The following TMEM132C variants were observed in gnomAD, a reference collection of about 807,000 sequenced individuals.
The protein encoded by TMEM132C is transmembrane protein 132C.
In TMEM132C, 29 loss-of-function variants were observed where a neutral mutation model predicts 61.4. The ratio of observed to expected loss-of-function variants is 0.47; its 90% confidence interval spans 0.35 to 0.64. The LOEUF (loss-of-function observed/expected upper bound fraction) is 0.64. TMEM132C is among the 30% of genes least tolerant of loss of function. TMEM132C has a pLI of 0.00. For synonymous variants in TMEM132C, 656 were observed against 633.1 expected (o/e 1.04, Z -0.54); for missense variants, 1,408 against 1,476.9 (o/e 0.95, Z 0.76).
In TMEM132C at chr12:128,551,529, G is replaced by T. The variant is rs184365387; in HGVS notation, c.1121+7426G>T. On this transcript the variant is annotated intron_variant, in intron 3 of 8. Transcript: ENST00000435159. The stretch of plus-strand genomic sequence containing the variant: ...CAGCCAACAATTTACCAGAGTGCAC[G>T]TCGTATTTACAGGGTGCGAGGCCAA... 6.3e-3 allele frequency among the ~76,000 whole-genome samples: 960 copies of T among 152,232 alleles called. 7 individuals are homozygous for T. The highest frequency in any genetic ancestry group is 0.022 in the African/African-American group (915 of 41,546).
At chr12:128,368,261 C>T (rs923264853) in intron 1 of TMEM132C, among the ~76,000 whole-genome samples, 1 of 152,242 alleles carries the variant, frequency 6.6e-6, no homozygotes, top group Admixed American at 6.5e-5. Context: ...CTCTGCTTTA[C>T]AGCCGGAAGC....
At chr12:128,344,976 T>C (rs887775995) in intron 1 of TMEM132C, among the ~76,000 whole-genome samples, 3 of 151,318 alleles carry the variant, frequency 2.0e-5, no homozygotes, top group African/African-American at 7.3e-5. Context: ...TTCAGGGCTC[T>C]AGTGGTTTGC....
chr12:128,598,034 C>T lies in TMEM132C; in HGVS notation c.1122-18118C>T, dbSNP rs867234548. Among the ~76,000 whole-genome samples, 6 of 152,162 alleles carry T rather than the reference C, an allele frequency of 3.9e-5. 1 individual carries two copies. The South Asian group carries it at 6.2e-4, about 16-fold the overall frequency. ...AAGATTTCAGGGGCTCCCCAGAGCA[C>T]GTCCTCCTAACGTGACAGCTTCTCA... On this transcript the variant is annotated intron_variant, in intron 3 of 8. Coordinates refer to ENST00000435159, the MANE Select transcript of TMEM132C (RefSeq NM_001136103.3).
intron 1 of TMEM132C, among the ~76,000 whole-genome samples, chr12:128,336,221 T>C (rs1265871593): frequency 6.6e-6 from 1 of 152,214 alleles, no homozygotes; most frequent in Non-Finnish European, 1.5e-5. Context: ...GTTCATTAGA[T>C]GGGAAGAGGC....
At chr12:128,681,688 C>T (rs544169945) in intron 5 of TMEM132C, among the ~76,000 whole-genome samples, 30 of 138,274 alleles carry the variant, frequency 2.2e-4, no homozygotes, top group Non-Finnish European at 3.1e-5. Flanking sequence ...GAGTCTCACC[C>T]TATCTCCCAG....
At chr12:128,519,983 C>T (rs1456155396) in intron 2 of TMEM132C, among the ~76,000 whole-genome samples, 2 of 152,220 alleles carry the variant, frequency 1.3e-5, no homozygotes, top group Non-Finnish European at 2.9e-5. Context: ...TGGTTTTCTT[C>T]CTCAGACTCT....
chr12:128,391,031 C>T (rs1035277838), intron 1 of TMEM132C, among the ~76,000 whole-genome samples: 1 of 152,122 alleles, frequency 6.6e-6, no homozygotes, highest in East Asian at 1.9e-4. Flanking sequence ...CTTAACGCTG[C>T]GGTTCTCAAA....
intron 4 of TMEM132C, among the ~76,000 whole-genome samples, chr12:128,656,122 C>A (rs996059891): frequency 6.6e-6 from 1 of 152,210 alleles, no homozygotes; most frequent in Non-Finnish European, 1.5e-5. Context: ...AGGATCTCAG[C>A]TCACTGCAAC....
At chr12:128,471,061 G>A (rs2136080417) in intron 2 of TMEM132C, among the ~76,000 whole-genome samples, 1 of 152,290 alleles carries the variant, frequency 6.6e-6, no homozygotes, top group East Asian at 1.9e-4. Flanking sequence ...TTTGTGGTGA[G>A]GTGCTCTCCT....
At chr12:128,348,114 T>C (rs964112062) in intron 1 of TMEM132C, among the ~76,000 whole-genome samples, 11 of 152,250 alleles carry the variant, frequency 7.2e-5, no homozygotes, top group African/African-American at 2.4e-4. Flanking sequence ...AATTTTCTTA[T>C]ACAATGGTCT....
chr12:128,595,578 G>A (rs1338063803), intron 3 of TMEM132C, among the ~76,000 whole-genome samples: 1 of 152,202 alleles, frequency 6.6e-6, no homozygotes, highest in Non-Finnish European at 1.5e-5. Context: ...ATGCGGTGAA[G>A]AGGAGGAGGC....
chr12:128,563,604 C>A (rs1043988006), intron 3 of TMEM132C, among the ~76,000 whole-genome samples: 2 of 152,144 alleles, frequency 1.3e-5, no homozygotes, highest in Non-Finnish European at 2.9e-5. Context: ...CTGTGCCATG[C>A]GCTCTCGGGC....
intron 5 of TMEM132C, among the ~76,000 whole-genome samples, chr12:128,671,290 T>C (rs975857715): frequency 2.0e-5 from 3 of 152,170 alleles, no homozygotes; most frequent in African/African-American, 7.2e-5. Context: ...TCTAGAGTCT[T>C]AAGTTTTTTG....
intron 2 of TMEM132C, among the ~76,000 whole-genome samples, chr12:128,505,597 A>G (rs919110597): frequency 7.9e-5 from 12 of 152,210 alleles, no homozygotes; most frequent in Admixed American, 1.3e-4. Context: ...ATAGCGTGAT[A>G]TGTAAAACAT....
chr12:128,299,241 G>T (rs186879202), intron 1 of TMEM132C, among the ~76,000 whole-genome samples: 14 of 152,268 alleles, frequency 9.2e-5, no homozygotes, highest in Non-Finnish European at 1.3e-4. Context: ...CTGCCTTGGA[G>T]CCCTAATTGT....
chr12:128,605,755 T>A (rs748372000), intron 3 of TMEM132C, among the ~76,000 whole-genome samples: 1 of 152,112 alleles, frequency 6.6e-6, no homozygotes, highest in Non-Finnish European at 1.5e-5. Flanking sequence ...TTGCTTCAGG[T>A]GTCTCATAAG....
intron 1 of TMEM132C, among the ~76,000 whole-genome samples, chr12:128,375,415 C>T (rs899252026): frequency 3.9e-5 from 6 of 152,104 alleles, no homozygotes; most frequent in Admixed American, 6.5e-5. Flanking sequence ...GGGAATCTCC[C>T]GGCTTCTGGT....
chr12:128,662,274 C>A (rs1954398995), intron 4 of TMEM132C, among the ~76,000 whole-genome samples: 1 of 152,096 alleles, frequency 6.6e-6, no homozygotes, highest in Non-Finnish European at 1.5e-5. Context: ...CCACCAATTG[C>A]CTTATACGAG....
At chr12:128,467,110 A>G (rs2136075932) in intron 2 of TMEM132C, among the ~76,000 whole-genome samples, 1 of 152,310 alleles carries the variant, frequency 6.6e-6, no homozygotes, top group African/African-American at 2.4e-5. Context: ...TGGAATTGGG[A>G]ACTCATGGCG....
Sources: allele counts gnomAD v4.1 joint callset (sites outside exome capture counted in the v4.1 genomes callset), GRCh38; gene constraint gnomAD v4.1.1; transcripts MANE v1.5; gene names NCBI Gene and HGNC (gene_info 2026-07-23, HGNC 2026-07-21).